NEK5: variants seen among roughly 807,000 people sequenced by gnomAD.
The protein encoded by NEK5 is NIMA related kinase 5.
A neutral mutation model predicts 109.2 loss-of-function variants in NEK5; 88 were observed. The ratio of observed to expected loss-of-function variants is 0.81; its 90% confidence interval spans 0.68 to 0.96. NEK5 has a LOEUF of 0.96. NEK5 is among the 40% of genes least tolerant of loss of function. The pLI is 0.00. For missense variants in NEK5, 834 were observed against 920.7 expected, an observed-to-expected ratio of 0.91 and a Z score of 1.22; for synonymous variants, 283 against 299.9, an observed-to-expected ratio of 0.94 and a Z score of 0.58.
chr13:52,123,245 C>T (rs1469598982), intron 3 of NEK5, among the ~76,000 whole-genome samples: 2 of 151,884 alleles, frequency 1.3e-5, no homozygotes, highest in African/African-American at 2.4e-5. Context: ...TAGGTAAATT[C>T]GATAACATAA....
At chr13:52,084,756 A>AGTGTGT (rs1357515123) in intron 16 of NEK5, among the ~76,000 whole-genome samples, 14 of 52,142 alleles carry the variant, frequency 2.7e-4, no homozygotes, top group East Asian at 1.7e-3. Context: ...AGAGAGAGAG[A>AGTGTGT]GAGAGAGTGT....
At chr13:52,091,491 C>T (rs939354016) in intron 13 of NEK5, among the ~76,000 whole-genome samples, 8 of 152,236 alleles carry the variant, frequency 5.3e-5, no homozygotes, top group Admixed American at 2.6e-4. Flanking sequence ...ATGCTTTTCC[C>T]GTTATATGTT....
intron 12 of NEK5, among the ~76,000 whole-genome samples, chr13:52,094,543 G>A (rs1955361838): frequency 6.6e-6 from 1 of 152,174 alleles, no homozygotes; most frequent in African/African-American, 2.4e-5. Context: ...CAGAACTTTG[G>A]GAGGCTGAGG....
At chr13:52,066,899 T>C (rs1449523618) in intron 20 of NEK5, among the ~76,000 whole-genome samples, 2 of 152,164 alleles carry the variant, frequency 1.3e-5, no homozygotes, top group South Asian at 2.1e-4. Flanking sequence ...TTTTGTTGTA[T>C]CATATTATAT....
At chr13:52,098,035 G>A (rs1955453459) in intron 12 of NEK5, among the ~76,000 whole-genome samples, 1 of 152,102 alleles carries the variant, frequency 6.6e-6, no homozygotes, top group Admixed American at 6.5e-5. Context: ...TTTAAGATGA[G>A]CCTGCTTCCC....
chr13:52,106,391 G>A (rs1318181685), intron 8 of NEK5, among the ~76,000 whole-genome samples: 1 of 152,094 alleles, frequency 6.6e-6, no homozygotes, highest in Admixed American at 6.6e-5. Context: ...ATGGCAGCCA[G>A]CTTTGAAAAA....
In NEK5 at chr13:52,072,061, T is replaced by A. The variant is rs2137798198; in HGVS notation, c.1732A>T (p.Ile578Leu). 1.2e-6 allele frequency: 2 copies of A among 1,611,150 alleles called. No individual in the cohort carries two copies. Among genetic ancestry groups the A allele is most frequent in the Non-Finnish European group, 1.7e-6 (2 of 1,177,620 alleles). Residue 578 changes from isoleucine to leucine, a missense_variant, in exon 20 of 24, where the codon ATA (isoleucine) becomes TTA (leucine). Physicochemically the swap from Ile to Leu is conservative, Grantham distance 5 (BLOSUM62 2). Around this residue, in one of 2 missense-constraint regions of NEK5, gnomAD observed 777 missense variants for 824.7 expected, o/e 0.94. Coordinates refer to ENST00000684899, the MANE Select transcript of NEK5 (RefSeq NM_001365552.1). ...NILQEEEAMDIPNETLTFEDG... is the reference protein window; with the variant it reads ...NILQEEEAMDLPNETLTFEDG... ...TCAAAGGTCAAAGTTTCATTTGGTATATCCATTGCCTAAATCAATTCCACA... is the reference window on the plus strand; with the variant it reads ...TCAAAGGTCAAAGTTTCATTTGGTAAATCCATTGCCTAAATCAATTCCACA...
rs934247962 is a variant in NEK5, at chr13:52,034,187, T to A, written c.*2761A>T. On this transcript the variant is annotated 3_prime_UTR_variant, in exon 24 of 24. Transcript: ENST00000684899. ...GACACTGATTTTTCTAATAAAAAAA[T>A]TTTTAATGCATACAGGTCTGGTGAA... 10 of 152,322 alleles carry A rather than the reference T, an allele frequency of 6.6e-5. No homozygotes were observed. The highest frequency in any genetic ancestry group is 2.2e-4 in the African/African-American group (9 of 41,574). 9.4% of individuals were successfully genotyped at this position (152,322 alleles called of 1,614,324 possible).
intron 8 of NEK5, among the ~76,000 whole-genome samples, 185 bp from the exon 9 acceptor site, chr13:52,104,737 G>A (rs531977670): frequency 3.1e-4 from 47 of 152,300 alleles, no homozygotes; most frequent in African/African-American, 1.1e-3. Context: ...AAAACCATTT[G>A]TAGTTTGTCA....
chr13:52,126,579 A>T (rs2138154937), intron 3 of NEK5, among the ~76,000 whole-genome samples: 1 of 152,298 alleles, frequency 6.6e-6, no homozygotes, highest in Admixed American at 6.5e-5. Context: ...GGAGTTCAAG[A>T]CCAGCCTGGG....
At chr13:52,088,147 T>C (rs978526037) in intron 14 of NEK5, among the ~76,000 whole-genome samples, 1 of 151,638 alleles carries the variant, frequency 6.6e-6, no homozygotes, top group African/African-American at 2.4e-5. Context: ...TAGGCTAGTC[T>C]CGAACTCCTG....
At chr13:52,116,905 T>C (rs1955870860) in intron 4 of NEK5, among the ~76,000 whole-genome samples, 1 of 152,014 alleles carries the variant, frequency 6.6e-6, no homozygotes, top group South Asian at 2.1e-4. Flanking sequence ...TTCAAACCAA[T>C]AAAAACATCC....
chr13:52,043,368 C>G (rs1352852903), intron 23 of NEK5, among the ~76,000 whole-genome samples: 2 of 151,464 alleles, frequency 1.3e-5, no homozygotes, highest in East Asian at 3.9e-4. Context: ...GAAACCCTGT[C>G]TCTACTAAAA....
At chr13:52,065,903 T>C (rs1434132445) in intron 20 of NEK5, among the ~76,000 whole-genome samples, 1 of 152,218 alleles carries the variant, frequency 6.6e-6, no homozygotes, top group East Asian at 1.9e-4. Context: ...CTAGTCTTTT[T>C]CCACAGAAAC....
rs372221024 is a variant in NEK5, at chr13:52,077,596, A to G, written c.1573-1453T>C. 3.9e-5 allele frequency among the ~76,000 whole-genome samples: 6 copies of G among 152,194 alleles called. No individual in the cohort carries two copies. The South Asian group carries it at 1.2e-3, about 32-fold the overall frequency. On this transcript the variant is annotated intron_variant, in intron 17 of 23. Coordinates refer to ENST00000684899, the MANE Select transcript of NEK5 (RefSeq NM_001365552.1). ...TGAAAGACAAAGACCCAAAGAGGAG[A>G]GAGCTGCACAGAGAGAACTGAAACA...
intron 22 of NEK5, among the ~76,000 whole-genome samples, chr13:52,050,608 CAT>C: frequency 9.3e-6 from 1 of 107,092 alleles, no homozygotes. Flanking sequence ...CACACACCTT[CAT>C]CTTTTTTTTT....
chr13:52,098,829 C>G (rs1394100214), intron 12 of NEK5, among the ~76,000 whole-genome samples: 1 of 152,088 alleles, frequency 6.6e-6, no homozygotes, highest in Non-Finnish European at 1.5e-5. Flanking sequence ...AGTTGTCCAA[C>G]AAAATACCAT....
intron 22 of NEK5, among the ~76,000 whole-genome samples, chr13:52,053,227 G>A (rs1954523507): frequency 6.6e-6 from 1 of 152,150 alleles, no homozygotes; most frequent in Non-Finnish European, 1.5e-5. Flanking sequence ...CTTGAACCTG[G>A]GAGGTAGAGG....
intron 20 of NEK5, among the ~76,000 whole-genome samples, chr13:52,069,688 GC>G (rs1470870012): frequency 2.6e-5 from 4 of 152,114 alleles, no homozygotes; most frequent in Admixed American, 1.3e-4. Context: ...ATATCCTTGA[GC>G]CCCTTCTCTT....
Sources: allele counts gnomAD v4.1 joint callset (sites outside exome capture counted in the v4.1 genomes callset), GRCh38; gene constraint gnomAD v4.1.1; regional missense constraint gnomAD v4.1.1; transcripts MANE v1.5; gene names NCBI Gene and HGNC (gene_info 2026-07-23, HGNC 2026-07-21).